Variants in USP37 observed in about 807,000 individuals in gnomAD.
The protein encoded by USP37 is ubiquitin carboxyl-terminal hydrolase 37.
Under a neutral mutation model 124.0 loss-of-function variants are expected in USP37, and 27 were observed. The ratio of observed to expected loss-of-function variants is 0.22; its 90% CI spans 0.16 to 0.30. The LOEUF is 0.30. Among genes scored for constraint, USP37 ranks in the 10% least tolerant of loss-of-function variants. The pLI, the probability that USP37 is intolerant of heterozygous loss-of-function variation, is 1.00. For missense variants in USP37, 889 were observed against 1,140.4 expected (o/e 0.78, Z 3.17); for synonymous variants, 365 against 388.0 (o/e 0.94, Z 0.70).
intron 14 of USP37, 116 bp downstream of exon 14, chr2:218,495,644 T>G: frequency 2.5e-6 from 3 of 1,182,818 alleles, no homozygotes; most frequent in Non-Finnish European, 3.5e-6. Context: ...GGCAACTGTG[T>G]GAGACCCTGT....
At chr2:218,535,510 G>A (rs1453951577) in intron 8 of USP37, among the ~76,000 whole-genome samples, 3 of 151,840 alleles carry the variant, frequency 2.0e-5, no homozygotes, top group African/African-American at 7.3e-5. Context: ...TTGGGAGTTC[G>A]AGACCAGCCT....
intron 21 of USP37, among the ~76,000 whole-genome samples, chr2:218,463,810 C>T (rs989632154): frequency 6.7e-6 from 1 of 149,000 alleles, no homozygotes; most frequent in Admixed American, 6.8e-5. Flanking sequence ...GCTGGGATTA[C>T]AAGTGTGAGC....
At chr2:218,467,313 C>CTATA (rs1553538428) in intron 20 of USP37, among the ~76,000 whole-genome samples, 1 of 95,178 alleles carries the variant, frequency 1.1e-5, no homozygotes, top group African/African-American at 3.9e-5. Context: ...CCCAGCTAAT[C>CTATA]TATATCTATC....
intron 15 of USP37, among the ~76,000 whole-genome samples, chr2:218,487,295 CA>C (rs1477277762): frequency 6.6e-6 from 1 of 152,152 alleles, no homozygotes; most frequent in East Asian, 1.9e-4. Context: ...TAAGAAAGAG[CA>C]AAGAATATTT....
intron 4 of USP37, 126 bp from the exon 5 acceptor site, chr2:218,553,850 A>G: frequency 9.7e-7 from 1 of 1,025,996 alleles, no homozygotes; most frequent in East Asian, 2.9e-5. Flanking sequence ...CAGTAATTTA[A>G]TTTTTTTCAA....
chr2:218,502,163 T>A lies in USP37; in HGVS notation c.1026-4006A>T, dbSNP rs188530875. Among the ~76,000 whole-genome samples, 343 of 151,724 alleles carry A rather than the reference T, an allele frequency of 2.3e-3. 1 individual carries two copies. In the Middle Eastern group the frequency reaches 0.027, roughly 12 times the overall value. On this transcript the variant is annotated intron_variant, in intron 11 of 25. Coordinates refer to ENST00000258399, the MANE Select transcript of USP37 (RefSeq NM_020935.3). ...AAAAAGAAGAACTTAAACAGGAGAC[T>A]CAAAACAATCAAAACTACTGCAGAC...
intron 5 of USP37, among the ~76,000 whole-genome samples, chr2:218,552,218 C>T (rs187212060): frequency 1.3e-5 from 2 of 152,170 alleles, no homozygotes; most frequent in East Asian, 1.9e-4. Flanking sequence ...TACAAGAATA[C>T]GGTGTCGAAT....
chr2:218,532,371 CAGA>C (rs1300292381), intron 9 of USP37, among the ~76,000 whole-genome samples: 1 of 148,688 alleles, frequency 6.7e-6, no homozygotes, highest in Non-Finnish European at 1.5e-5. Flanking sequence ...GAGGCTGAGG[CAGA>C]AGAATTGCTT....
chr2:218,498,475 C>T (rs1003615075), intron 11 of USP37: 2 of 162,194 alleles, frequency 1.2e-5, no homozygotes, highest in African/African-American at 2.4e-5. Context: ...TGCCTGTAAT[C>T]CAAGCACTTT....
intron 21 of USP37, among the ~76,000 whole-genome samples, chr2:218,464,021 A>T (rs1273724709): frequency 7.0e-6 from 1 of 143,234 alleles, no homozygotes; most frequent in Non-Finnish European, 1.5e-5. Flanking sequence ...ACACCCAGTT[A>T]ATTTTTTTTG....
At chr2:218,489,753 C>A (rs1691816613) in intron 14 of USP37, among the ~76,000 whole-genome samples, 2 of 152,090 alleles carry the variant, frequency 1.3e-5, no homozygotes, top group African/African-American at 4.8e-5. Flanking sequence ...GCTGGGATTA[C>A]AGGCACCAGC....
At position 218,549,915 on chromosome 2, in the gene USP37, G is replaced by A; in HGVS notation, c.329-6C>T. Reference sequence around the variant, plus strand: ...CCCCTGAGACGGTTTCATGGCTGGTGACCAAAAATATAATTTTTTTTAAAA... The same window carrying A: ...CCCCTGAGACGGTTTCATGGCTGGTAACCAAAAATATAATTTTTTTTAAAA... On this transcript the variant is annotated splice_polypyrimidine_tract_variant and splice_region_variant and intron_variant, in intron 5 of 25. Coordinates refer to ENST00000258399, the MANE Select transcript of USP37 (RefSeq NM_020935.3). 6.3e-7 allele frequency: 1 copy of A among 1,580,256 alleles called. No homozygotes were observed. Among genetic ancestry groups the A allele is most frequent in the Non-Finnish European group, 8.6e-7 (1 of 1,166,474 alleles).
chr2:218,532,378 A>C (rs1264855025), intron 9 of USP37, among the ~76,000 whole-genome samples: 2 of 149,944 alleles, frequency 1.3e-5, no homozygotes, highest in Admixed American at 1.3e-4. Context: ...AGGCAGAAGA[A>C]TTGCTTGAAC....
intron 20 of USP37, among the ~76,000 whole-genome samples, chr2:218,472,823 G>A (rs2106417105): frequency 6.6e-6 from 1 of 152,168 alleles, no homozygotes; most frequent in Non-Finnish European, 1.5e-5. Flanking sequence ...TCACATCTAA[G>A]AATATTAACA....
intron 10 of USP37, among the ~76,000 whole-genome samples, chr2:218,521,010 GAT>G (rs572755450): frequency 9.2e-5 from 14 of 152,228 alleles, no homozygotes; most frequent in African/African-American, 3.1e-4. Flanking sequence ...CTGTTCTCCT[GAT>G]AGAGTCCTCA....
At chr2:218,513,951 A>G (rs1236555562) in intron 10 of USP37, among the ~76,000 whole-genome samples, 1 of 152,056 alleles carries the variant, frequency 6.6e-6, no homozygotes, top group Non-Finnish European at 1.5e-5. Context: ...CTGGGATCAC[A>G]GATGCACATC....
At chr2:218,486,697 T>C (rs1477134447) in intron 15 of USP37, among the ~76,000 whole-genome samples, 2 of 149,622 alleles carry the variant, frequency 1.3e-5, no homozygotes, top group Non-Finnish European at 3.0e-5. Flanking sequence ...GGATTACAGG[T>C]GGGAGCCACC....
chr2:218,541,366 A>G (rs1397733495), intron 8 of USP37, among the ~76,000 whole-genome samples: 1 of 152,160 alleles, frequency 6.6e-6, no homozygotes, highest in Non-Finnish European at 1.5e-5. Context: ...GGTTGCTGCT[A>G]TATAACGAGG....
At chr2:218,542,092 C>T (rs1692007383) in intron 8 of USP37, among the ~76,000 whole-genome samples, 1 of 152,180 alleles carries the variant, frequency 6.6e-6, no homozygotes, top group Non-Finnish European at 1.5e-5. Flanking sequence ...TAGATCAAGA[C>T]GAAGCCTATT....
Sources: gnomAD v4.1 joint callset for allele counts (sites outside exome capture counted in the v4.1 genomes callset) on GRCh38, gnomAD v4.1.1 for gene constraint, MANE v1.5 for transcripts, NCBI Gene and HGNC (gene_info 2026-07-23, HGNC 2026-07-21) for gene names.